The following SMARCAL1 variants were observed in gnomAD, a reference collection of about 807,000 sequenced individuals.
SMARCAL1 encodes SNF2 related chromatin remodeling annealing helicase 1, also known as ATP-driven annealing helicase.
A neutral mutation model predicts 94.5 loss-of-function variants in SMARCAL1; 58 were observed. That is an observed-to-expected ratio of 0.61 (90% CI 0.50 to 0.76). The LOEUF (loss-of-function observed/expected upper bound fraction) is 0.76. SMARCAL1 is among the 30% of genes least tolerant of loss of function. The pLI is 0.00. For missense variants in SMARCAL1, 1,051 were observed against 1,177.9 expected (o/e 0.89, Z 1.58); for synonymous variants, 422 against 455.1 (o/e 0.93, Z 0.93).
intron 10 of SMARCAL1, among the ~76,000 whole-genome samples, chr2:216,438,818 A>G (rs928850791): frequency 2.6e-5 from 4 of 152,158 alleles, no homozygotes; most frequent in Non-Finnish European, 5.9e-5. Context: ...GAGAGCCTCT[A>G]GCAGCTTGTC....
In SMARCAL1 at chr2:216,474,511, T is replaced by C. The variant is rs759772941; in HGVS notation, c.2245-758T>C. Among the ~76,000 whole-genome samples the C allele has an allele frequency of 4.8e-4, 71 of 149,174 alleles. 1 individual carries two copies. The highest frequency in any genetic ancestry group is 8.3e-4 in the Non-Finnish European group (56 of 67,366). On this transcript the variant is annotated intron_variant, in intron 14 of 17. Coordinates refer to ENST00000357276, the MANE Select transcript of SMARCAL1 (RefSeq NM_014140.4). ...GGCTCACGCCTGTAATCCCAGCACT[T>C]TGGGAGGCCGAGGCAGGCGGATCAC...
At chr2:216,441,063 C>T (rs1393961663) in intron 10 of SMARCAL1, among the ~76,000 whole-genome samples, 2 of 152,226 alleles carry the variant, frequency 1.3e-5, no homozygotes, top group East Asian at 3.9e-4. Context: ...ATATAAGGAC[C>T]TAATTTAATA....
intron 15 of SMARCAL1, 64 bp from the exon 16 acceptor site, chr2:216,477,045 C>A: frequency 7.7e-7 from 1 of 1,294,404 alleles, no homozygotes; most frequent in Non-Finnish European, 1.1e-6. Context: ...AGGAACCATA[C>A]CTGCTATGGT....
chr2:216,472,671 A>T (rs904847178), intron 14 of SMARCAL1, among the ~76,000 whole-genome samples: 1 of 151,750 alleles, frequency 6.6e-6, no homozygotes, highest in African/African-American at 2.4e-5. Flanking sequence ...GGAAAAAAAA[A>T]AAGGGGGCAA....
chr2:216,425,353 T>C (rs1175273227), intron 6 of SMARCAL1, among the ~76,000 whole-genome samples: 4 of 152,198 alleles, frequency 2.6e-5, no homozygotes, highest in Non-Finnish European at 5.9e-5. Flanking sequence ...GCTTCTGCCT[T>C]GGGCACCAGC....
intron 10 of SMARCAL1, among the ~76,000 whole-genome samples, chr2:216,442,861 A>G (rs1694225642): frequency 6.6e-6 from 1 of 152,160 alleles, no homozygotes; most frequent in South Asian, 2.1e-4. Flanking sequence ...AGAAAATGCA[A>G]TCCCTGTGTG....
Position 216,414,998 on chromosome 2 carries a change from G to C in SMARCAL1, c.294G>C (p.Trp98Cys). ...ACAGTTTTCAGGCAAAGGGAATATG[G>C]AAAAAGCCAGAAGAAATGCCCACAG... ...DSHSFQAKGI[W>C]KKPEEMPTAC... Residue 98 changes from tryptophan (W) to cysteine (C), a missense_variant, in exon 3 of 18, where the codon TGG becomes TGC. Transcript: ENST00000357276. 6.2e-7 allele frequency: 1 copy of C among 1,614,196 alleles called. No homozygotes were observed. The highest frequency in any genetic ancestry group is 8.5e-7 in the Non-Finnish European group (1 of 1,180,044).
intron 6 of SMARCAL1, among the ~76,000 whole-genome samples, 154 bp downstream of exon 6, chr2:216,423,837 C>T (rs1014309290): frequency 6.6e-6 from 1 of 152,184 alleles, no homozygotes; most frequent in Non-Finnish European, 1.5e-5. Context: ...GCAGCCTTGT[C>T]CACATCCACT....
In SMARCAL1 at chr2:216,433,775, G is replaced by A. The variant is rs1034018485; in HGVS notation, c.1485+907G>A. Among the ~76,000 whole-genome samples, 39 of 152,000 alleles carry A rather than the reference G, an allele frequency of 2.6e-4. 1 individual carries two copies. The highest frequency in any genetic ancestry group is 2.3e-3 in the Admixed American group (35 of 15,264). ...GTGAAGAAGGAAGACCTGGTCCATC[G>A]TCCACAGCTTTTTCTAGCTTTATGC... is the stretch of plus-strand genomic sequence containing the variant. On this transcript the variant is annotated intron_variant, in intron 8 of 17. Transcript: ENST00000357276.
chr2:216,463,785 G>A (rs537033875), intron 12 of SMARCAL1, among the ~76,000 whole-genome samples: 36 of 152,318 alleles, frequency 2.4e-4, no homozygotes, highest in African/African-American at 8.7e-4. Context: ...ACTCATGCCT[G>A]TAATCCCAGC....
intron 17 of SMARCAL1, among the ~76,000 whole-genome samples, chr2:216,478,733 C>T (rs1213951406): frequency 6.6e-6 from 1 of 152,188 alleles, no homozygotes; most frequent in Non-Finnish European, 1.5e-5. Context: ...TTCTCAGTGT[C>T]TCCCCACTTG....
intron 10 of SMARCAL1, 80 bp from the exon 11 acceptor site, chr2:216,446,938 C>G (rs140524986): frequency 8.9e-6 from 14 of 1,572,578 alleles, no homozygotes; most frequent in Middle Eastern, 3.3e-4. Flanking sequence ...GCATCCAGCT[C>G]CTCCCTCACT....
chr2:216,471,150 T>C (rs1694957789), intron 14 of SMARCAL1, among the ~76,000 whole-genome samples: 2 of 152,150 alleles, frequency 1.3e-5, no homozygotes, highest in South Asian at 4.1e-4. Context: ...GATGAAACTT[T>C]AACTCACTGT....
chr2:216,414,839 C>T lies in SMARCAL1; in HGVS notation c.135C>T (p.Asn45=), dbSNP rs775439777. 2 of 1,614,078 alleles carry T rather than the reference C, an allele frequency of 1.2e-6. No individual in the cohort carries two copies. Among genetic ancestry groups the T allele is most frequent in the East Asian group, 2.2e-5 (1 of 44,896 alleles). The change falls in exon 3 of 18, where the codon AAC becomes AAT. Residue 45 remains asparagine, a synonymous_variant. Coordinates refer to ENST00000357276, the MANE Select transcript of SMARCAL1 (RefSeq NM_014140.4). ...GCTCGGGCACCTCCATTGCTGGCAA[C>T]CCATTCCAGGCCAAGCAAGGCCCAT... is the stretch of plus-strand genomic sequence containing the variant. ...RTSSGTSIAG[N]PFQAKQGPSQ...
intron 4 of SMARCAL1, among the ~76,000 whole-genome samples, chr2:216,420,072 G>A (rs979934927): frequency 2.7e-5 from 4 of 148,692 alleles, no homozygotes; most frequent in African/African-American, 5.0e-5. Context: ...AAAAACTTAC[G>A]GAGATGGAAA....
rs563067405 is a variant in SMARCAL1, at chr2:216,470,776, G to A, written c.2244+2730G>A. ...GCTGGGATTACAGGCATTAGCCACC[G>A]CACCCAGCCTCCAGTTGGATTTTTT... On this transcript the variant is annotated intron_variant, in intron 14 of 17. Coordinates refer to ENST00000357276, the MANE Select transcript of SMARCAL1 (RefSeq NM_014140.4). 1.6e-4 allele frequency among the ~76,000 whole-genome samples: 21 copies of A among 129,610 alleles called. No homozygotes were observed. In the South Asian group the frequency reaches 4.0e-3, roughly 25 times the overall value. 85.0% of individuals were successfully genotyped at this position (129,610 alleles called of 152,430 possible).
At chr2:216,458,045 A>G (rs763324215) in intron 12 of SMARCAL1, among the ~76,000 whole-genome samples, 12 of 152,200 alleles carry the variant, frequency 7.9e-5, no homozygotes, top group African/African-American at 2.4e-4. Flanking sequence ...CATCAGAGAT[A>G]TTATAAACAC....
At chr2:216,462,016 G>C (rs1445984509) in intron 12 of SMARCAL1, among the ~76,000 whole-genome samples, 1 of 152,162 alleles carries the variant, frequency 6.6e-6, no homozygotes, top group Non-Finnish European at 1.5e-5. Context: ...ATGAGAATTA[G>C]TTTTAAGGAG....
chr2:216,442,889 CCTATCAGG>C (rs1465527753), intron 10 of SMARCAL1, among the ~76,000 whole-genome samples: 1 of 152,020 alleles, frequency 6.6e-6, no homozygotes, highest in African/African-American at 2.4e-5. Context: ...TGGCTTTTTG[CCTATCAGG>C]CCAGAGGGGA....
Sources: gnomAD v4.1 joint callset for allele counts (sites outside exome capture counted in the v4.1 genomes callset) on GRCh38, gnomAD v4.1.1 for gene constraint, MANE v1.5 for transcripts, NCBI Gene and HGNC (gene_info 2026-07-23, HGNC 2026-07-21) for gene names.